The following PAM variants were observed in gnomAD, a reference collection of about 807,000 sequenced individuals.
PAM encodes peptidylglycine alpha-amidating monooxygenase.
PAM carries 72 observed loss-of-function variants against 122.1 expected under a neutral mutation model. That is an observed-to-expected ratio of 0.59 (90% CI 0.49 to 0.72). The LOEUF (loss-of-function observed/expected upper bound fraction) is 0.72, where lower values mean the gene tolerates loss of function less well. Ranked by LOEUF, PAM falls within the 30% of genes least tolerant of loss-of-function variation. The pLI, the probability that PAM is intolerant of heterozygous loss-of-function variation, is 0.00. For missense variants in PAM, 1,106 were observed against 1,183.7 expected, an observed-to-expected ratio of 0.93 and a Z score of 0.96; for synonymous variants, 389 against 404.4, an observed-to-expected ratio of 0.96 and a Z score of 0.46.
Position 102,782,725 on chromosome 5 carries a change from C to CTCTCTG in PAM, c.-374+27378_-374+27379insCTCTGT, listed in dbSNP as rs1387780206. Among the ~76,000 whole-genome samples, 12 of 140,184 alleles carry CTCTCTG rather than the reference C, an allele frequency of 8.6e-5. No homozygotes were observed. The South Asian group carries it at 9.6e-4, about 11-fold the overall frequency. The allele number at this position is 140,184 out of a possible 152,430, so 92.0% of individuals were successfully genotyped here. On this transcript the variant is annotated intron_variant, in intron 1 of 25. Coordinates refer to ENST00000438793, the MANE Select transcript of PAM (RefSeq NM_001177306.2). ...CATTTCTCTCTCTCTCTCTCTCTCT[C>CTCTCTG]TGTGTGTGTGTGTGTGTGTGTGTGT...
At chr5:102,906,334 C>T (rs1350479761) in intron 4 of PAM, among the ~76,000 whole-genome samples, 3 of 151,634 alleles carry the variant, frequency 2.0e-5, no homozygotes, top group African/African-American at 7.3e-5. Flanking sequence ...GTAGTCAACT[C>T]TTAAAAGATC....
chr5:102,832,145 A>G (rs902954715), intron 1 of PAM, among the ~76,000 whole-genome samples: 3 of 152,178 alleles, frequency 2.0e-5, no homozygotes, highest in Non-Finnish European at 4.4e-5. Context: ...GTGTCATGGC[A>G]TTTGAGTCCT....
Position 102,848,382 on chromosome 5 carries a change from TA to T in PAM, c.-373-17440del, listed in dbSNP as rs369461144. On this transcript the variant is annotated intron_variant, in intron 1 of 25. Transcript: ENST00000438793. ...ACAAAGATGACTAACACATGGCCCT[TA>T]CATGAAAGGGTTAACCCTTCAGCAG... is the stretch of plus-strand genomic sequence containing the variant. Among the ~76,000 whole-genome samples, 38 of 152,338 alleles carry T rather than the reference TA, an allele frequency of 2.5e-4. No homozygotes were observed. In the East Asian group the frequency reaches 6.9e-3, roughly 28 times the overall value.
intron 16 of PAM, among the ~76,000 whole-genome samples, chr5:102,997,339 G>A (rs1317301482): frequency 6.6e-6 from 1 of 152,000 alleles, no homozygotes; most frequent in Non-Finnish European, 1.5e-5. Flanking sequence ...GGTCAATATA[G>A]GGAGACCCCC....
intron 1 of PAM, among the ~76,000 whole-genome samples, chr5:102,793,910 T>A (rs977239147): frequency 1.3e-5 from 2 of 152,226 alleles, no homozygotes; most frequent in African/African-American, 4.8e-5. Context: ...GCTATATTTA[T>A]CTGAGTATTT....
intron 1 of PAM, among the ~76,000 whole-genome samples, chr5:102,795,730 G>T (rs32678): frequency 0.36 from 55,039 of 151,888 alleles, 10,206 homozygotes; most frequent in East Asian, 0.41. Context: ...GATCCCTAAC[G>T]GAAAGTCACA....
chr5:102,949,477 A>T (rs536544994), intron 9 of PAM, 60 bp from the exon 10 acceptor site: 1 of 868,826 alleles, frequency 1.2e-6, no homozygotes, highest in East Asian at 2.4e-5. Flanking sequence ...AATTTTAGAT[A>T]AGAATAATGT....
At position 103,009,825 on chromosome 5, in the gene PAM, T is replaced by G; in HGVS notation, c.2290T>G (p.Ser764Ala). Residue 764 changes from serine to alanine, a missense_variant, in exon 21 of 26, where the codon TCC (serine) becomes GCC (alanine). Physicochemically the swap from Ser to Ala is moderately conservative, Grantham distance 99. This residue lies in a region of PAM where 333 missense variants were observed against 335.6 expected (regional missense o/e 0.99). Coordinates refer to ENST00000438793, the MANE Select transcript of PAM (RefSeq NM_001177306.2). Reference sequence around the variant, plus strand: ...TGTACAAGGATTTGTGATGAACTTTTCCAATGGGGAAATTATAGACATCTT... The same window carrying G: ...TGTACAAGGATTTGTGATGAACTTTGCCAATGGGGAAATTATAGACATCTT... ...EPVQGFVMNF[S>A]NGEIIDIFKP... is the part of the protein sequence containing the mutation. 6.2e-7 allele frequency: 1 copy of G among 1,611,514 alleles called. No homozygotes were observed. Among genetic ancestry groups the G allele is most frequent in the African/African-American group, 1.3e-5 (1 of 74,954 alleles).
At chr5:102,828,264 T>C (rs1347014811) in intron 1 of PAM, among the ~76,000 whole-genome samples, 5 of 151,972 alleles carry the variant, frequency 3.3e-5, no homozygotes, top group Admixed American at 2.0e-4. Flanking sequence ...GGAGGATTGA[T>C]TGAGCCTAGA....
chr5:102,793,157 C>G (rs2150012720), intron 1 of PAM, among the ~76,000 whole-genome samples: 1 of 152,230 alleles, frequency 6.6e-6, no homozygotes, highest in East Asian at 1.9e-4. Context: ...ACCGAAGATT[C>G]TTTGCGTTTA....
chr5:102,920,767 G>A (rs1220728179), intron 5 of PAM, among the ~76,000 whole-genome samples: 1 of 151,172 alleles, frequency 6.6e-6, no homozygotes, highest in Non-Finnish European at 1.5e-5. Flanking sequence ...GGAATTTAAG[G>A]CTATACAGAC....
chr5:102,876,129 A>C (rs1039991402), intron 3 of PAM, among the ~76,000 whole-genome samples: 1 of 152,146 alleles, frequency 6.6e-6, no homozygotes, highest in African/African-American at 2.4e-5. Flanking sequence ...GGCCAAATAC[A>C]CTAGAGTCTT....
At chr5:102,946,368 T>G (rs111475817) in intron 7 of PAM, among the ~76,000 whole-genome samples, 3 of 151,976 alleles carry the variant, frequency 2.0e-5, no homozygotes, top group Non-Finnish European at 1.5e-5. Context: ...TTTGAAATAA[T>G]ATATGAATGT....
chr5:102,858,647 T>A (rs1351405016), intron 1 of PAM, among the ~76,000 whole-genome samples: 1 of 152,192 alleles, frequency 6.6e-6, no homozygotes, highest in Non-Finnish European at 1.5e-5. Context: ...CGAACCATAT[T>A]TAATAAAATA....
intron 1 of PAM, among the ~76,000 whole-genome samples, chr5:102,773,296 G>A (rs1415898214): frequency 6.6e-6 from 1 of 152,130 alleles, no homozygotes; most frequent in East Asian, 1.9e-4. Flanking sequence ...ACAGTGCAGT[G>A]ACAACGTAGA....
intron 21 of PAM, among the ~76,000 whole-genome samples, chr5:103,010,154 A>G (rs1216942053): frequency 6.6e-6 from 1 of 152,176 alleles, no homozygotes; most frequent in African/African-American, 2.4e-5. Context: ...AGGTTTTTAA[A>G]TTCACTATAG....
At chr5:103,002,965 G>A (rs892449081) in intron 16 of PAM, 68 bp from the exon 17 acceptor site, 3 of 763,632 alleles carry the variant, frequency 3.9e-6, no homozygotes, top group Admixed American at 1.9e-5. Flanking sequence ...TTATGTGAAT[G>A]GTCTGCATTT....
chr5:103,006,764 T>A (rs376876372), intron 18 of PAM, 37 bp from the exon 19 acceptor site: 1 of 1,484,020 alleles, frequency 6.7e-7, no homozygotes, highest in East Asian at 2.3e-5. Flanking sequence ...CTAATAACCA[T>A]GAAAAGTAGG....
intron 1 of PAM, among the ~76,000 whole-genome samples, chr5:102,861,551 C>G (rs1175578644): frequency 1.3e-5 from 2 of 152,182 alleles, no homozygotes; most frequent in African/African-American, 2.4e-5. Flanking sequence ...TATGACAGCT[C>G]TCTTTGGAAC....
Sources: gnomAD v4.1 joint callset for allele counts (sites outside exome capture counted in the v4.1 genomes callset) on GRCh38, gnomAD v4.1.1 for gene constraint, gnomAD v4.1.1 regional missense constraint, MANE v1.5 for transcripts, NCBI Gene and HGNC (gene_info 2026-07-23, HGNC 2026-07-21) for gene names.